MED16: variants seen among roughly 807,000 people sequenced by gnomAD.
MED16 encodes mediator of RNA polymerase II transcription subunit 16.
MED16 carries 81 observed loss-of-function variants against 84.4 expected under a neutral mutation model. The ratio of observed to expected loss-of-function variants is 0.96; its 90% confidence interval spans 0.80 to 1.15. The LOEUF (loss-of-function observed/expected upper bound fraction) is 1.15. Among genes scored for constraint, MED16 ranks in the 50% most tolerant of loss-of-function variants. The pLI, the probability that MED16 is intolerant of heterozygous loss-of-function variation, is 0.00. For synonymous variants in MED16, 897 were observed against 552.2 expected (o/e 1.62, Z -8.76); for missense variants, 1,585 against 1,245.9 (o/e 1.27, Z -4.10).
chr19:884,228 A>G (rs2036479081), intron 6 of MED16, among the ~76,000 whole-genome samples: 1 of 152,212 alleles, frequency 6.6e-6, no homozygotes, highest in Admixed American at 6.5e-5. Flanking sequence ...CCAGGCCCGC[A>G]GCCTCCGAGG....
At chr19:892,445 TC>T in intron 1 of MED16, 1 of 154,240 alleles carries the variant, frequency 6.5e-6, no homozygotes, top group Non-Finnish European at 1.4e-5. Context: ...AACTCCCCAG[TC>T]CCCAGACTCC....
chr19:877,953 C>CG (rs2036297200), intron 8 of MED16, among the ~76,000 whole-genome samples: 1 of 74,262 alleles, frequency 1.3e-5, no homozygotes, highest in Non-Finnish European at 2.7e-5. Flanking sequence ...CAATGCCCAC[C>CG]AGCCCCAGCC....
intron 8 of MED16, among the ~76,000 whole-genome samples, chr19:877,837 C>A (rs2036292742): frequency 2.2e-5 from 3 of 137,012 alleles, no homozygotes; most frequent in Admixed American, 7.3e-5. Context: ...TTGTCAATGC[C>A]CACCAAGCCC....
At chr19:889,391 G>A (rs1250034320) in intron 4 of MED16, among the ~76,000 whole-genome samples, 1 of 152,132 alleles carries the variant, frequency 6.6e-6, no homozygotes, top group African/African-American at 2.4e-5. Flanking sequence ...TTAAATGAGG[G>A]GCCACTGAAC....
intron 13 of MED16, 68 bp downstream of exon 13, chr19:870,968 CG>C: frequency 7.5e-7 from 1 of 1,336,148 alleles, no homozygotes. Flanking sequence ...CGTGTGGATT[CG>C]GGGGTCCCGG....
At chr19:889,352 G>C (rs2036587507) in intron 4 of MED16, among the ~76,000 whole-genome samples, 1 of 151,782 alleles carries the variant, frequency 6.6e-6, no homozygotes, top group Non-Finnish European at 1.5e-5. Context: ...CAGTGAAAGA[G>C]ATAACTCACT....
intron 12 of MED16, among the ~76,000 whole-genome samples, 178 bp from the exon 13 acceptor site, chr19:871,431 G>C (rs1356717486): frequency 6.6e-6 from 1 of 152,046 alleles, no homozygotes; most frequent in African/African-American, 2.4e-5. Flanking sequence ...CTGCCTGCCT[G>C]GCTGGGTGAC....
At chr19:871,774 A>AGGGGAGC (rs2036066987) in intron 12 of MED16, 152 bp downstream of exon 12, 3 of 171,676 alleles carry the variant, frequency 1.7e-5, no homozygotes, top group Non-Finnish European at 3.6e-5. Flanking sequence ...GAGCGGGGAG[A>AGGGGAGC]GGGGAGAGGG....
At chr19:887,438 C>T (rs530492254) in intron 4 of MED16, among the ~76,000 whole-genome samples, 3 of 152,148 alleles carry the variant, frequency 2.0e-5, no homozygotes, top group South Asian at 2.1e-4. Flanking sequence ...GAGGCCGAGG[C>T]GGGCAGATCT....
intron 11 of MED16, among the ~76,000 whole-genome samples, chr19:872,539 G>A (rs975287073): frequency 1.2e-4 from 18 of 152,004 alleles, no homozygotes; most frequent in East Asian, 1.2e-3. Context: ...AGAAGAGAGG[G>A]ACTTCAAACC....
chr19:881,380 C>G lies in MED16; in HGVS notation c.1141+179G>C, dbSNP rs377743333. Among the ~76,000 whole-genome samples, 20 of 152,334 alleles carry G rather than the reference C, an allele frequency of 1.3e-4. 1 individual carries two copies. In the South Asian group the frequency reaches 1.9e-3, roughly 14 times the overall value. On this transcript the variant is annotated intron_variant, in intron 7 of 15. Transcript: ENST00000325464. ...CCTCACAGATCCCGAAAGATGAGAT[C>G]TGCCTCCTAATTGGGAACCCATCAG...
Position 871,242 on chromosome 19 carries a change from C to T in MED16, c.2110G>A (p.Gly704Ser). Reference protein sequence around the residue: ...TKLWICCRDEGPASEPDEALV... With the variant: ...TKLWICCRDESPASEPDEALV... ...GCCTCGTCCGGCTCGCTCGCTGGGCCCTCATCGCGACCTGCGGAGAGAGGT... is the reference window on the plus strand; with the variant it reads ...GCCTCGTCCGGCTCGCTCGCTGGGCTCTCATCGCGACCTGCGGAGAGAGGT... Residue 704 changes from glycine (G) to serine (S), a missense_variant, in exon 13 of 16, where the codon GGC becomes AGC. Gly to Ser is a moderately conservative substitution (Grantham distance 56). Transcript: ENST00000325464. The T allele has an allele frequency of 6.5e-7, 1 of 1,538,768 alleles. No individual in the cohort carries two copies. Among genetic ancestry groups the T allele is most frequent in the African/African-American group, 1.4e-5 (1 of 73,110 alleles).
rs766876741 is a variant in MED16, at chr19:868,170, C to T, written c.2565G>A (p.Pro855=). 27 of 1,610,414 alleles carry T rather than the reference C, an allele frequency of 1.7e-5. No homozygotes were observed. In the East Asian group the frequency reaches 2.9e-4, roughly 17 times the overall value. Residue 855 remains proline, a synonymous_variant, in exon 16 of 16, where the codon CCG becomes CCA. Transcript: ENST00000325464. ...EEAPAFVQLG[P]QSTHHSPRTP... ...TCCTGGGAGAGTGGTGTGTGGACTG[C>T]GGGCCCAGCTGGACAAAGGCAGGGG...
intron 6 of MED16, among the ~76,000 whole-genome samples, chr19:883,425 C>A (rs1196260794): frequency 9.1e-6 from 1 of 109,868 alleles, no homozygotes; most frequent in Non-Finnish European, 1.8e-5. Context: ...ACGGTGGGCA[C>A]GTGGGGCGGT....
chr19:884,683 G>A (rs563975440), intron 6 of MED16, among the ~76,000 whole-genome samples: 153 of 152,338 alleles, frequency 1.0e-3, no homozygotes, highest in Admixed American at 3.3e-3. Flanking sequence ...CGCAGCGGGC[G>A]TGGAAGGATG....
intron 13 of MED16, among the ~76,000 whole-genome samples, 195 bp downstream of exon 13, chr19:870,842 G>A (rs1326464650): frequency 6.8e-6 from 1 of 146,236 alleles, no homozygotes; most frequent in Non-Finnish European, 1.5e-5. Context: ...GGGGGGTCCC[G>A]GGGCAGGACA....
chr19:890,907 G>A, intron 2 of MED16, 56 bp downstream of exon 2: 3 of 1,567,860 alleles, frequency 1.9e-6, no homozygotes, highest in South Asian at 1.1e-5. Context: ...GGCACCTGGG[G>A]AACAGGGCGG....
Position 871,077 on chromosome 19 carries a change from G to A in MED16, c.2275C>T (p.Pro759Ser), listed in dbSNP as rs1449812723. The A allele has an allele frequency of 3.2e-6, 5 of 1,547,256 alleles. No individual in the cohort carries two copies. The highest frequency in any genetic ancestry group is 4.4e-6 in the Non-Finnish European group (5 of 1,145,170). Residue 759 changes from proline to serine, a missense_variant, in exon 13 of 16, where the codon CCT (proline) becomes TCT (serine). Coordinates refer to ENST00000325464, the MANE Select transcript of MED16 (RefSeq NM_005481.3). Reference protein sequence around the residue: ...RLQFGRAPTLPGSAATLQLDG... With the variant: ...RLQFGRAPTLSGSAATLQLDG... The stretch of plus-strand genomic sequence containing the variant: ...AGCTGCAGGGTGGCAGCACTGCCAG[G>A]CAGCGTGGGCGCCCGGCCAAACTGC...
Position 875,247 on chromosome 19 carries a change from C to A in MED16, c.1768G>T (p.Val590Phe), listed in dbSNP as rs913709006. ...CCGGGCGTGGAAAAGGACCCACCGA[C>A]GTCGGTGATCTTGGTGCAGATCTCG... ...LTEICTKITD[V>F]DIDKVMINLK... is the part of the protein sequence containing the mutation. Residue 590 changes from valine (V) to phenylalanine (F), a missense_variant, in exon 10 of 16, where the codon GTC (valine) becomes TTC (phenylalanine). Coordinates refer to ENST00000325464, the MANE Select transcript of MED16 (RefSeq NM_005481.3). The A allele has an allele frequency of 6.2e-7, 1 of 1,605,804 alleles. No individual in the cohort carries two copies. The highest frequency in any genetic ancestry group is 1.3e-5 in the African/African-American group (1 of 74,872).
Sources: gnomAD v4.1 joint callset for allele counts (sites outside exome capture counted in the v4.1 genomes callset) on GRCh38, gnomAD v4.1.1 for gene constraint, MANE v1.5 for transcripts, NCBI Gene and HGNC (gene_info 2026-07-23, HGNC 2026-07-21) for gene names.